The following PTPRD variants were observed in gnomAD, a reference collection of about 807,000 sequenced individuals.
PTPRD encodes receptor-type tyrosine-protein phosphatase delta.
A neutral mutation model predicts 214.5 loss-of-function variants in PTPRD; 34 were observed. The ratio of observed to expected loss-of-function variants is 0.16; its 90% CI spans 0.12 to 0.21. PTPRD has a LOEUF of 0.21. Ranked by LOEUF, PTPRD falls within the 10% of genes least tolerant of loss-of-function variation. The probability of loss-of-function intolerance (pLI) is 1.00; values close to 1 mark genes in which losing one functional copy is unlikely to be tolerated. For synonymous variants in PTPRD, 1,128 were observed against 845.7 expected, an observed-to-expected ratio of 1.33 and a Z score of -5.79; for missense variants, 2,545 against 2,398.7, an observed-to-expected ratio of 1.06 and a Z score of -1.27.
At chr9:9,415,445 G>T (rs2076713439) in intron 8 of PTPRD, among the ~76,000 whole-genome samples, 1 of 152,102 alleles carries the variant, frequency 6.6e-6, no homozygotes, top group African/African-American at 2.4e-5. Context: ...CTGCACTCCA[G>T]CCTGGATGAC....
At chr9:9,937,268 A>G (rs1008221316) in intron 5 of PTPRD, among the ~76,000 whole-genome samples, 5 of 151,578 alleles carry the variant, frequency 3.3e-5, no homozygotes, top group African/African-American at 7.2e-5. Context: ...ATAAATTACT[A>G]TATTGGTCTC....
chr9:9,944,310 G>C (rs1302636885), intron 4 of PTPRD, among the ~76,000 whole-genome samples: 2 of 152,130 alleles, frequency 1.3e-5, no homozygotes. Context: ...AAGGTATCCA[G>C]TGTGCAGCTG....
At chr9:9,867,017 T>C (rs1254001423) in intron 5 of PTPRD, among the ~76,000 whole-genome samples, 1 of 152,180 alleles carries the variant, frequency 6.6e-6, no homozygotes, top group African/African-American at 2.4e-5. Flanking sequence ...GTATTCAAAC[T>C]TAGTACTTAG....
At chr9:10,554,277 T>C (rs1237553351) in intron 2 of PTPRD, among the ~76,000 whole-genome samples, 2 of 152,168 alleles carry the variant, frequency 1.3e-5, no homozygotes, top group Non-Finnish European at 2.9e-5. Flanking sequence ...ACTTCTCTGG[T>C]GAAGTCATTC....
At chr9:10,392,478 C>T (rs998173086) in intron 2 of PTPRD, among the ~76,000 whole-genome samples, 1 of 151,872 alleles carries the variant, frequency 6.6e-6, no homozygotes, top group Non-Finnish European at 1.5e-5. Flanking sequence ...AGTTATGTAA[C>T]ATCATTCCTT....
chr9:9,427,649 G>T (rs963097714), intron 8 of PTPRD, among the ~76,000 whole-genome samples: 21 of 152,162 alleles, frequency 1.4e-4, no homozygotes, highest in African/African-American at 4.6e-4. Context: ...AAAATGTTAA[G>T]GGCAGCCAGA....
chr9:8,698,363 G>C (rs936754907), intron 12 of PTPRD, among the ~76,000 whole-genome samples: 1 of 152,214 alleles, frequency 6.6e-6, no homozygotes, highest in African/African-American at 2.4e-5. Flanking sequence ...TAGTGATAGT[G>C]TAAAAAACGG....
intron 35 of PTPRD, among the ~76,000 whole-genome samples, chr9:8,416,065 C>G (rs1399391926): frequency 1.7e-5 from 2 of 118,452 alleles, no homozygotes; most frequent in Non-Finnish European, 3.6e-5. Context: ...GTCAGAAAGC[C>G]TTAAAAGTGA....
chr9:8,579,935 C>A (rs960682804), intron 14 of PTPRD, among the ~76,000 whole-genome samples: 5 of 152,162 alleles, frequency 3.3e-5, no homozygotes, highest in African/African-American at 1.2e-4. Flanking sequence ...AAAAGTGAAT[C>A]ATCAGAGGTG....
chr9:10,535,094 T>C (rs2057424685), intron 2 of PTPRD, among the ~76,000 whole-genome samples: 1 of 152,170 alleles, frequency 6.6e-6, no homozygotes, highest in East Asian at 1.9e-4. Flanking sequence ...TTCAGCAGCC[T>C]GAATGTCAGG....
At chr9:9,535,772 C>G (rs1001018001) in intron 8 of PTPRD, among the ~76,000 whole-genome samples, 1 of 151,968 alleles carries the variant, frequency 6.6e-6, no homozygotes, top group Non-Finnish European at 1.5e-5. Flanking sequence ...CTTTCTATGT[C>G]ATTAAGAACA....
At chr9:10,487,632 C>T (rs1188675409) in intron 2 of PTPRD, among the ~76,000 whole-genome samples, 6 of 151,224 alleles carry the variant, frequency 4.0e-5, no homozygotes, top group Admixed American at 4.0e-4. Context: ...TGTTCTCACT[C>T]ATAAGTGGGA....
intron 12 of PTPRD, among the ~76,000 whole-genome samples, chr9:8,677,550 AAAC>A (rs1255902088): frequency 6.6e-6 from 1 of 152,230 alleles, no homozygotes; most frequent in Non-Finnish European, 1.5e-5. Context: ...GGTGAGGATC[AAAC>A]AACTACCAAT....
intron 9 of PTPRD, among the ~76,000 whole-genome samples, chr9:9,307,931 G>A (rs181516252): frequency 1.3e-5 from 2 of 152,186 alleles, no homozygotes; most frequent in African/African-American, 4.8e-5. Context: ...CTCCCCTTAT[G>A]CTTGGGATAA....
chr9:9,418,877 T>C (rs2077774905), intron 8 of PTPRD, among the ~76,000 whole-genome samples: 1 of 151,932 alleles, frequency 6.6e-6, no homozygotes, highest in Non-Finnish European at 1.5e-5. Context: ...TTCAAAAGGA[T>C]ATGTGCTAGA....
rs138288276 is a variant in PTPRD at position 9,355,748 on chromosome 9, G to A, written c.-203+41701C>T. Among the ~76,000 whole-genome samples, 303 of 151,534 alleles carry A rather than the reference G, an allele frequency of 2.0e-3. 2 individuals are homozygous for A. Among genetic ancestry groups the A allele is most frequent in the African/African-American group, 6.7e-3 (278 of 41,430 alleles). On this transcript the variant is annotated intron_variant, in intron 9 of 45. Coordinates refer to ENST00000381196, the MANE Select transcript of PTPRD (RefSeq NM_002839.4). ...GCCATGGGATTGAGTAAAAACACAA[G>A]GGAGAGAATCAAGGTATAAAATAGA...
intron 2 of PTPRD, among the ~76,000 whole-genome samples, chr9:10,531,074 C>T (rs929194624): frequency 2.6e-5 from 4 of 151,966 alleles, no homozygotes; most frequent in African/African-American, 7.2e-5. Flanking sequence ...GTAAGCCTTC[C>T]GAGTGGCTGG....
intron 5 of PTPRD, among the ~76,000 whole-genome samples, chr9:9,782,537 G>A (rs1374203895): frequency 6.6e-6 from 1 of 152,128 alleles, no homozygotes; most frequent in Non-Finnish European, 1.5e-5. Context: ...GAAACCCTAG[G>A]TTGTGATAAA....
intron 12 of PTPRD, among the ~76,000 whole-genome samples, chr9:8,690,241 G>T (rs1258457836): frequency 6.6e-6 from 1 of 151,750 alleles, no homozygotes; most frequent in Non-Finnish European, 1.5e-5. Context: ...AAAATATTTA[G>T]ATTTGGCCGG....
Sources: allele counts gnomAD v4.1 joint callset (sites outside exome capture counted in the v4.1 genomes callset), GRCh38; gene constraint gnomAD v4.1.1; transcripts MANE v1.5; gene names NCBI Gene and HGNC (gene_info 2026-07-23, HGNC 2026-07-21).